The following PLAC1 variants were observed in gnomAD, a reference collection of about 807,000 sequenced individuals.
The protein encoded by PLAC1 is placenta-specific protein 1.
For missense variants in PLAC1, 136 were observed against 163.2 expected (o/e 0.83, Z 0.91); for synonymous variants, 68 against 62.1 (o/e 1.09, Z -0.44).
intron 2 of PLAC1, among the ~76,000 whole-genome samples, chrX:134,683,222 T>C (rs1265477630): frequency 9.1e-6 from 1 of 110,324 alleles, no homozygotes. Flanking sequence ...GTGTGTGGGT[T>C]GAGCAATAAA....
At chrX:134,654,169 T>A (rs2078377241) in intron 1 of PLAC1, among the ~76,000 whole-genome samples, 1 of 111,841 alleles carries the variant, frequency 8.9e-6, no homozygotes, top group Non-Finnish European at 1.9e-5. Flanking sequence ...GTGGGCTCCA[T>A]CCTTGGACTT....
Position 134,695,981 on chromosome X carries a change from G to GA in PLAC1, n.174+37453dup, listed in dbSNP as rs572046645. Among the ~76,000 whole-genome samples, 113 of 101,072 alleles carry GA rather than the reference G, an allele frequency of 1.1e-3. No individual in the cohort carries two copies. In the South Asian group the frequency reaches 0.019, roughly 17 times the overall value. 87.8% of individuals were successfully genotyped at this position (101,072 alleles called of 115,157 possible). A position where few individuals can be genotyped will look rare whatever the true frequency, so the allele number is the denominator to read the frequency against. ...TCTCCATCTAGGATTGCCAGATTTA[G>GA]AAAAAAAAAAGACATCCAGTTAAAT... On this transcript the variant is annotated intron_variant and non_coding_transcript_variant, in intron 2 of 2. Coordinates refer to the PLAC1 transcript ENST00000466797.
rs981575206 is a variant in PLAC1, at chrX:134,728,300, C to T, written n.174+5135G>A. Among the ~76,000 whole-genome samples, 9 of 111,971 alleles carry T rather than the reference C, an allele frequency of 8.0e-5. No homozygotes were observed. In the South Asian group the frequency reaches 2.3e-3, roughly 28 times the overall value. ...ACACATCCAAAAAGCACCACCAACTCCAAGTAGGATAAACTCAAAAATGTC... is the reference window on the plus strand; with the variant it reads ...ACACATCCAAAAAGCACCACCAACTTCAAGTAGGATAAACTCAAAAATGTC... On this transcript the variant is annotated intron_variant and non_coding_transcript_variant, in intron 2 of 2. Coordinates refer to the PLAC1 transcript ENST00000466797.
At chrX:134,647,410 C>CTGTGTGTGTGTG (rs200761671) in intron 1 of PLAC1, among the ~76,000 whole-genome samples, 173 of 90,138 alleles carry the variant, frequency 1.9e-3, no homozygotes, top group African/African-American at 6.8e-3. Context: ...ATGCATGCAT[C>CTGTGTGTGTGTG]TGTGTGTGTG....
intron 2 of PLAC1, among the ~76,000 whole-genome samples, chrX:134,689,373 C>T (rs2078528889): frequency 8.9e-6 from 1 of 112,024 alleles, no homozygotes. Context: ...GTTCCATTTT[C>T]ACTATCTCCA....
At chrX:134,754,097 T>C (rs1466691005) in intron 1 of PLAC1, among the ~76,000 whole-genome samples, 1 of 112,174 alleles carries the variant, frequency 8.9e-6, no homozygotes, top group African/African-American at 3.2e-5. Flanking sequence ...ACTTTAAACT[T>C]TTTTCTATTT....
At chrX:134,613,597 G>A (rs144993789) in intron 1 of PLAC1, among the ~76,000 whole-genome samples, 4 of 111,045 alleles carry the variant, frequency 3.6e-5, no homozygotes, top group African/African-American at 1.3e-4. Context: ...CTTCAAGCAG[G>A]GCACGTGCTC....
chrX:134,711,591 T>C (rs191867652), intron 2 of PLAC1, among the ~76,000 whole-genome samples: 1 of 112,270 alleles, frequency 8.9e-6, no homozygotes, highest in East Asian at 2.8e-4. Flanking sequence ...GCATGTTCCT[T>C]TTCCTAGCCA....
chrX:134,638,909 G>A lies in PLAC1; in HGVS notation c.-131+19419C>T, dbSNP rs183100939. On this transcript the variant is annotated intron_variant, in intron 1 of 2. Transcript: ENST00000359237. ...AGGTAATAAGCACAGTACCCAATAT[G>A]TACTTTTTTGATCCTCACACTCCTC... is the stretch of plus-strand genomic sequence containing the variant. 2.2e-3 allele frequency among the ~76,000 whole-genome samples: 240 copies of A among 111,369 alleles called. 1 individual carries two copies. The highest frequency in any genetic ancestry group is 7.8e-3 in the Admixed American group (82 of 10,466).
chrX:134,631,027 G>A (rs61436075), intron 1 of PLAC1, among the ~76,000 whole-genome samples: 15,481 of 111,194 alleles, frequency 0.14, 2,669 homozygotes, highest in African/African-American at 0.48. Context: ...ACAGAGACAG[G>A]TAGCAAATTA....
upstream of PLAC1, among the ~76,000 whole-genome samples, chrX:134,660,469 G>T (rs1004386980): frequency 1.1e-4 from 12 of 111,832 alleles, no homozygotes; most frequent in Non-Finnish European, 7.5e-5. Context: ...AAAAATACAG[G>T]TGAATGCAAA....
At chrX:134,723,538 C>T (rs1247018961) in intron 2 of PLAC1, among the ~76,000 whole-genome samples, 2 of 110,219 alleles carry the variant, frequency 1.8e-5, no homozygotes, top group African/African-American at 6.6e-5. Context: ...GGTCTTGACT[C>T]CTGGCCTCAA....
chrX:134,598,005 C>T lies in PLAC1; in HGVS notation c.-59+4046G>A, dbSNP rs2078070079. Among the ~76,000 whole-genome samples, 6 of 111,530 alleles carry T rather than the reference C, an allele frequency of 5.4e-5. No homozygotes were observed. In the South Asian group the frequency reaches 2.3e-3, roughly 42 times the overall value. On this transcript the variant is annotated intron_variant, in intron 2 of 2. Transcript: ENST00000359237. ...GTCCTTAGTCAGTCTATCTTCTCTC[C>T]ACCTTTCTTGGTTGTCTTATGTTTG...
chrX:134,603,820 C>T (rs895001501), intron 1 of PLAC1, among the ~76,000 whole-genome samples: 12 of 111,348 alleles, frequency 1.1e-4, no homozygotes, highest in South Asian at 7.6e-4. Flanking sequence ...TTGGACTATA[C>T]GATGTTTAAG....
intron 2 of PLAC1, among the ~76,000 whole-genome samples, chrX:134,587,425 T>C (rs1255734613): frequency 2.2e-5 from 2 of 89,821 alleles, no homozygotes; most frequent in African/African-American, 7.4e-5. Flanking sequence ...ATAAATAAAT[T>C]TAAAAAATAG....
chrX:134,719,658 T>C (rs2078652323), intron 2 of PLAC1, among the ~76,000 whole-genome samples: 1 of 110,713 alleles, frequency 9.0e-6, no homozygotes, highest in Non-Finnish European at 1.9e-5. Flanking sequence ...GGCGTGGTGA[T>C]GGGAGCCTGT....
chrX:134,754,758 C>CTTTTTTT (rs760098539), intron 1 of PLAC1, among the ~76,000 whole-genome samples: 7 of 66,134 alleles, frequency 1.1e-4, no homozygotes, highest in Non-Finnish European at 1.6e-4. Context: ...ATTTATTGTT[C>CTTTTTTT]TTTTTTTTTT....
chrX:134,629,177 C>T lies in PLAC1; in HGVS notation c.-130-27055G>A, dbSNP rs1401376591. ...TGTGATGGCAAATAACTTTCTATCA[C>T]CACCTCTATCTCAGTAATTCTCATC... On this transcript the variant is annotated intron_variant, in intron 1 of 2. Transcript: ENST00000359237. Among the ~76,000 whole-genome samples, 3 of 112,115 alleles carry T rather than the reference C, an allele frequency of 2.7e-5. No individual in the cohort carries two copies. In the East Asian group the frequency reaches 8.3e-4, roughly 31 times the overall value.
chrX:134,593,803 A>G (rs1193197279), intron 2 of PLAC1, among the ~76,000 whole-genome samples: 1 of 112,022 alleles, frequency 8.9e-6, no homozygotes, highest in African/African-American at 3.2e-5. Context: ...TTTAAAAAAA[A>G]TAGTTTTCTT....
Sources: gnomAD v4.1 joint callset for allele counts (sites outside exome capture counted in the v4.1 genomes callset) on GRCh38, gnomAD v4.1.1 for gene constraint, MANE v1.5 for transcripts, NCBI Gene and HGNC (gene_info 2026-07-23, HGNC 2026-07-21) for gene names.